The following PLCL2 variants were observed in gnomAD, a reference collection of about 807,000 sequenced individuals.
PLCL2 encodes the protein inactive phospholipase C-like protein 2.
PLCL2 carries 4 observed loss-of-function variants against 79.6 expected under a neutral mutation model. The observed-to-expected ratio is 0.05, with a 90% CI of 0.02 to 0.11. The LOEUF is 0.11. PLCL2 is among the 10% of genes least tolerant of loss of function. The pLI is 1.00. For synonymous variants in PLCL2, 484 were observed against 457.7 expected (o/e 1.06, Z -0.73); for missense variants, 895 against 1,291.0 (o/e 0.69, Z 4.70).
chr3:17,049,831 A>G (rs2064820332), intron 4 of PLCL2, among the ~76,000 whole-genome samples: 1 of 152,206 alleles, frequency 6.6e-6, no homozygotes, highest in Non-Finnish European at 1.5e-5. Context: ...GAAAAAAAAA[A>G]TCCTAACATT....
rs149142356 is a variant in PLCL2, at chr3:17,009,712, C to G, written c.366C>G (p.Val122=). The change falls in exon 2 of 6, where the codon GTC becomes GTG. Residue 122 remains valine (V), a synonymous_variant. Transcript: ENST00000615277. This position sits in a 1 kb window ranked among gnomAD's most constrained non-coding sequence, Gnocchi z 4.0. ...AGAAGAGGGAACGGAAAAAGACAGT[C>G]TCATTCAGCAGCATGCCAACAGAGA... ...TKQKRERKKT[V]SFSSMPTEKK... is the part of the protein sequence containing the mutation. 12 of 1,607,162 alleles carry G rather than the reference C, an allele frequency of 7.5e-6. No individual in the cohort carries two copies. The East Asian group carries it at 2.7e-4, about 36-fold the overall frequency.
intron 1 of PLCL2, among the ~76,000 whole-genome samples, chr3:16,943,077 T>C (rs770362655): frequency 2.9e-4 from 44 of 152,244 alleles, no homozygotes; most frequent in Non-Finnish European, 5.4e-4. Flanking sequence ...TGCTCTCTCT[T>C]TCATGTCCTT....
intron 1 of PLCL2, among the ~76,000 whole-genome samples, chr3:16,993,578 T>G (rs1363805683): frequency 2.0e-5 from 3 of 152,338 alleles, no homozygotes; most frequent in Non-Finnish European, 4.4e-5. Context: ...AAGGATAGCA[T>G]CCTGCTTTTT....
At position 16,967,219 on chromosome 3, in the gene PLCL2, A is replaced by G. The variant is rs1370295930; in HGVS notation, c.328-42455A>G. Among the ~76,000 whole-genome samples, 4 of 152,160 alleles carry G rather than the reference A, an allele frequency of 2.6e-5. No individual in the cohort carries two copies. The East Asian group carries it at 7.7e-4, about 29-fold the overall frequency. On this transcript the variant is annotated intron_variant, in intron 1 of 5. Transcript: ENST00000615277. ...TCTTTGCTATTGTGAGTAGTCCTGC[A>G]GTGAACAAACACATGCATGTGTCTC...
chr3:17,060,382 T>C (rs2064938549), intron 4 of PLCL2, among the ~76,000 whole-genome samples: 1 of 152,230 alleles, frequency 6.6e-6, no homozygotes, highest in African/African-American at 2.4e-5. Flanking sequence ...GATTTAACAG[T>C]TCAAAATCCA....
chr3:17,055,091 T>C (rs1464469085), intron 4 of PLCL2, among the ~76,000 whole-genome samples: 2 of 152,168 alleles, frequency 1.3e-5, no homozygotes, highest in East Asian at 3.8e-4. Context: ...AGTCATCCCA[T>C]ACAATGTTAC....
At chr3:16,897,594 A>C (rs1696513366) in intron 1 of PLCL2, among the ~76,000 whole-genome samples, 1 of 152,240 alleles carries the variant, frequency 6.6e-6, no homozygotes, top group Non-Finnish European at 1.5e-5. Flanking sequence ...AACGCTGTTT[A>C]CTCACAGAAG....
chr3:16,999,164 G>T (rs1559513172), intron 1 of PLCL2, among the ~76,000 whole-genome samples: 2 of 151,554 alleles, frequency 1.3e-5, no homozygotes, highest in Non-Finnish European at 2.9e-5. Flanking sequence ...TTGAGAAATG[G>T]TTTTTTTTCC....
chr3:16,998,792 G>C (rs1289470806), intron 1 of PLCL2, among the ~76,000 whole-genome samples: 1 of 152,176 alleles, frequency 6.6e-6, no homozygotes, highest in African/African-American at 2.4e-5. Context: ...TTCACAATTA[G>C]AGATACCCTT....
intron 1 of PLCL2, among the ~76,000 whole-genome samples, chr3:16,917,489 A>G (rs1697024261): frequency 6.6e-6 from 1 of 152,168 alleles, no homozygotes; most frequent in African/African-American, 2.4e-5. Flanking sequence ...GGCTTCAACT[A>G]GCTGTGGGGA....
At chr3:16,969,211 G>A (rs1047062239) in intron 1 of PLCL2, among the ~76,000 whole-genome samples, 2 of 151,892 alleles carry the variant, frequency 1.3e-5, no homozygotes, top group African/African-American at 4.8e-5. Context: ...TTCTTTTTTT[G>A]TTGTGTCTCT....
intron 5 of PLCL2, among the ~76,000 whole-genome samples, chr3:17,084,173 A>G (rs1164222901): frequency 6.6e-6 from 1 of 152,178 alleles, no homozygotes; most frequent in Admixed American, 6.5e-5. Flanking sequence ...ATGCCCACAA[A>G]CTTGAAAACC....
chr3:17,086,710 G>A (rs2065223630), intron 5 of PLCL2, among the ~76,000 whole-genome samples: 1 of 152,090 alleles, frequency 6.6e-6, no homozygotes, highest in Non-Finnish European at 1.5e-5. Context: ...TCCAAAATAT[G>A]CAAAGAACTC....
intron 1 of PLCL2, among the ~76,000 whole-genome samples, chr3:16,894,377 G>T (rs781027882): frequency 6.6e-6 from 1 of 152,110 alleles, no homozygotes. Context: ...AAAGAGATCT[G>T]TATGCTCTTC....
At chr3:17,039,529 TA>T (rs2064697260) in intron 3 of PLCL2, among the ~76,000 whole-genome samples, 1 of 152,240 alleles carries the variant, frequency 6.6e-6, no homozygotes, top group Non-Finnish European at 1.5e-5. Flanking sequence ...TACATTAATT[TA>T]ATTATAAATA....
At chr3:16,888,853 T>C (rs1263767249) in intron 1 of PLCL2, among the ~76,000 whole-genome samples, 1 of 152,232 alleles carries the variant, frequency 6.6e-6, no homozygotes, top group African/African-American at 2.4e-5. Context: ...CTTTGGTTGA[T>C]ACTTTAAAAA....
intron 3 of PLCL2, among the ~76,000 whole-genome samples, chr3:17,030,651 A>G (rs1046957089): frequency 6.6e-6 from 1 of 152,222 alleles, no homozygotes; most frequent in Non-Finnish European, 1.5e-5. Flanking sequence ...CTGGGTTTAT[A>G]CAGTAAATAC....
chr3:16,932,369 T>C (rs1228133708), intron 1 of PLCL2, among the ~76,000 whole-genome samples: 1 of 152,258 alleles, frequency 6.6e-6, no homozygotes, highest in Admixed American at 6.5e-5. Context: ...TCTGATGTTT[T>C]CCTAAGACAA....
chr3:16,968,821 T>A (rs115740030), intron 1 of PLCL2, among the ~76,000 whole-genome samples: 2,181 of 152,156 alleles, frequency 0.014, 64 homozygotes, highest in African/African-American at 0.05. Flanking sequence ...CTTGTCTTAT[T>A]CCAGTTCTCA....
Sources: allele counts gnomAD v4.1 joint callset (sites outside exome capture counted in the v4.1 genomes callset), GRCh38; gene constraint gnomAD v4.1.1; non-coding constraint Gnocchi (gnomAD v3.1); transcripts MANE v1.5; gene names NCBI Gene and HGNC (gene_info 2026-07-23, HGNC 2026-07-21).